HERC3: variants seen among roughly 807,000 people sequenced by gnomAD.
HERC3 encodes the protein HECT and RLD domain containing E3 ubiquitin protein ligase 3.
A neutral mutation model predicts 129.9 loss-of-function variants in HERC3; 58 were observed. That is an observed-to-expected ratio of 0.45 (90% confidence interval 0.36 to 0.56). The LOEUF (loss-of-function observed/expected upper bound fraction) is 0.56. Ranked by LOEUF, HERC3 falls within the 20% of genes least tolerant of loss-of-function variation. HERC3 has a pLI of 0.00. For missense variants in HERC3, 835 were observed against 1,244.2 expected (o/e 0.67, Z 4.95); for synonymous variants, 430 against 451.0 (o/e 0.95, Z 0.59).
chr4:88,527,081 T>G, the HERC3 span: 45,381 of 152,124 alleles, frequency 0.3, 7,843 homozygotes, highest in East Asian at 0.83. Context: ...AGCCTTGTTT[T>G]GGCCATCTGA....
intron 10 of HERC3, among the ~76,000 whole-genome samples, chr4:88,660,148 C>A (rs941115712): frequency 1.3e-5 from 2 of 152,096 alleles, no homozygotes; most frequent in Non-Finnish European, 2.9e-5. Context: ...CATATGCTTA[C>A]CCTGTTACCA....
At chr4:88,569,433 T>C in the HERC3 span, among the ~76,000 whole-genome samples, 1 of 152,226 alleles carries the variant, frequency 6.6e-6, no homozygotes, top group African/African-American at 2.4e-5. Context: ...GGTACTGTGA[T>C]TGCTCACTTG....
intron 21 of HERC3, 45 bp downstream of exon 21, chr4:88,681,370 C>T (rs751113323): frequency 1.8e-5 from 28 of 1,533,134 alleles, no homozygotes; most frequent in Non-Finnish European, 2.4e-5. Context: ...GTTGTGGCTG[C>T]CTCTGGCATG....
Position 88,634,889 on chromosome 4 carries a change from C to T in HERC3, c.227-14951C>T, listed in dbSNP as rs572660451. 3.3e-5 allele frequency among the ~76,000 whole-genome samples: 5 copies of T among 152,224 alleles called. No homozygotes were observed. In the South Asian group the frequency reaches 8.3e-4, roughly 25 times the overall value. Reference sequence around the variant, plus strand: ...GATGAATAGGGCTTAAAGTGAACCCCCAGCAAACCGCAGCAGCTCTGCAGA... The same window carrying T: ...GATGAATAGGGCTTAAAGTGAACCCTCAGCAAACCGCAGCAGCTCTGCAGA... On this transcript the variant is annotated intron_variant, in intron 3 of 25. Transcript: ENST00000402738.
chr4:88,561,461 G>A, the HERC3 span, among the ~76,000 whole-genome samples: 2 of 152,048 alleles, frequency 1.3e-5, no homozygotes, highest in African/African-American at 2.4e-5. Flanking sequence ...TCACATCAGG[G>A]TAAATGGGGT....
chr4:88,689,973 T>C (rs1187798896), intron 23 of HERC3: 3 of 984,262 alleles, frequency 3.0e-6, no homozygotes, highest in Non-Finnish European at 2.4e-6. Flanking sequence ...TTCCAGACTA[T>C]CCAAGAAGCC....
chr4:88,621,085 G>T (rs192136867), intron 3 of HERC3, among the ~76,000 whole-genome samples: 60 of 152,174 alleles, frequency 3.9e-4, no homozygotes, highest in African/African-American at 1.2e-3. Context: ...AGAACATTGT[G>T]TGGCACATAG....
chr4:88,569,386 C>A, the HERC3 span, among the ~76,000 whole-genome samples: 80 of 152,316 alleles, frequency 5.3e-4, no homozygotes, highest in African/African-American at 1.8e-3. Context: ...TTTCCTACCC[C>A]CTTAAGTGCC....
rs778551220 is a variant in HERC3, at chr4:88,650,051, AT to A, written c.386+55del. 52 of 1,557,702 alleles carry A rather than the reference AT, an allele frequency of 3.3e-5. No individual in the cohort carries two copies. The African/African-American group carries it at 6.8e-4, about 20-fold the overall frequency. On this transcript the variant is annotated intron_variant, in intron 4 of 25. Coordinates refer to ENST00000402738, the MANE Select transcript of HERC3 (RefSeq NM_014606.3). ...TTTTAAATGCTATTTCCTGCTGTTGATTTGTTAGACTCCTTGTTTTTCTTCT... is the reference window on the plus strand; with the variant it reads ...TTTTAAATGCTATTTCCTGCTGTTGATTGTTAGACTCCTTGTTTTTCTTCT...
intron 3 of HERC3, among the ~76,000 whole-genome samples, chr4:88,647,652 A>T (rs1409705815): frequency 1.3e-5 from 2 of 151,826 alleles, no homozygotes; most frequent in African/African-American, 4.9e-5. Flanking sequence ...TCTGTTTATT[A>T]TGGTAATTTC....
At chr4:88,674,247 G>A (rs776192035) in intron 16 of HERC3, among the ~76,000 whole-genome samples, 3 of 152,064 alleles carry the variant, frequency 2.0e-5, no homozygotes, top group African/African-American at 4.8e-5. Context: ...GGAAGAGGGT[G>A]GGGGGAGAGA....
the HERC3 span, among the ~76,000 whole-genome samples, chr4:88,583,326 C>T: frequency 1.3e-5 from 2 of 151,722 alleles, no homozygotes; most frequent in Non-Finnish European, 2.9e-5. Flanking sequence ...ATTCCAGCTA[C>T]TTGTGAGGCT....
intron 3 of HERC3, among the ~76,000 whole-genome samples, chr4:88,640,932 A>G (rs1728024242): frequency 6.6e-6 from 1 of 152,228 alleles, no homozygotes; most frequent in Admixed American, 6.5e-5. Flanking sequence ...CATCAAGAAT[A>G]TAGAAGTTCA....
the HERC3 span, among the ~76,000 whole-genome samples, chr4:88,584,712 G>C: frequency 2.0e-5 from 3 of 152,180 alleles, no homozygotes; most frequent in Non-Finnish European, 4.4e-5. Flanking sequence ...CAGCAAGAAG[G>C]CTTTTGCCAG....
chr4:88,633,165 G>C (rs181734148), intron 3 of HERC3, among the ~76,000 whole-genome samples: 3 of 152,302 alleles, frequency 2.0e-5, no homozygotes, highest in African/African-American at 4.8e-5. Flanking sequence ...TGAAACAAAG[G>C]CAGTTTTAGG....
chr4:88,526,214 C>A, the HERC3 span, among the ~76,000 whole-genome samples: 1 of 152,156 alleles, frequency 6.6e-6, no homozygotes. Context: ...CTCTTTTTAA[C>A]TGAAATGGAA....
chr4:88,599,628 C>T (rs1197591613), intron 2 of HERC3, among the ~76,000 whole-genome samples: 1 of 152,084 alleles, frequency 6.6e-6, no homozygotes, highest in Non-Finnish European at 1.5e-5. Flanking sequence ...AGCTGATAGA[C>T]CCAGGACGCC....
intron 23 of HERC3, among the ~76,000 whole-genome samples, chr4:88,687,953 ATTTAC>A (rs1411101371): frequency 1.3e-5 from 2 of 152,292 alleles, no homozygotes; most frequent in Non-Finnish European, 1.5e-5. Context: ...CATGAAATCA[ATTTAC>A]TTTACAAACA....
At chr4:88,679,899 T>C (rs1178917215) in intron 19 of HERC3, among the ~76,000 whole-genome samples, 194 bp from the exon 20 acceptor site, 1 of 152,218 alleles carries the variant, frequency 6.6e-6, no homozygotes, top group Non-Finnish European at 1.5e-5. Context: ...AAAAATTGTA[T>C]GTATCTATAA....
Sources: allele counts gnomAD v4.1 joint callset (sites outside exome capture counted in the v4.1 genomes callset), GRCh38; gene constraint gnomAD v4.1.1; transcripts MANE v1.5; gene names NCBI Gene and HGNC (gene_info 2026-07-23, HGNC 2026-07-21).